Variants in APOL2 observed in about 807,000 individuals in gnomAD.
APOL2 encodes the protein apolipoprotein L2, also known as apolipoprotein L, 2.
APOL2 carries 8 observed loss-of-function variants against 7.1 expected under a neutral mutation model. The observed-to-expected ratio is 1.12, with a 90% CI of 0.66 to 2.03. APOL2 has a LOEUF of 2.03. APOL2 is among the 30% of genes most tolerant of loss of function. APOL2 has a pLI of 0.00. For missense variants in APOL2, 471 were observed against 415.1 expected (o/e 1.13, Z -1.17); for synonymous variants, 177 against 159.9 (o/e 1.11, Z -0.81).
chr22:36,237,784 C>G (rs2015459943), intron 1 of APOL2, among the ~76,000 whole-genome samples: 1 of 152,166 alleles, frequency 6.6e-6, no homozygotes, highest in South Asian at 2.1e-4. Context: ...CCCTCTGATG[C>G]TCTGGACCCC....
rs377641018 is a variant in APOL2 at position 36,227,892 on chromosome 22, G to A, written c.526C>T (p.Arg176Trp). The change falls in exon 5 of 5, where the codon CGG (arginine) becomes TGG (tryptophan). Residue 176 changes from arginine (R) to tryptophan (W), a missense_variant. Physicochemically the swap from Arg to Trp is moderately radical, Grantham distance 101. Coordinates refer to ENST00000358502, the MANE Select transcript of APOL2 (RefSeq NM_030882.4). ...CSVVELVNKL[R>W]ARAQARNLDQ... ...AAGTTGCGGGCTTGGGCTCGTGCCCGCAATTTGTTTACTAGTTCTACCACA... is the reference window on the plus strand; with the variant it reads ...AAGTTGCGGGCTTGGGCTCGTGCCCACAATTTGTTTACTAGTTCTACCACA... 2.4e-5 allele frequency: 38 copies of A among 1,614,078 alleles called. No individual in the cohort carries two copies. Among genetic ancestry groups the A allele is most frequent in the African/African-American group, 4.0e-5 (3 of 74,928 alleles).
At chr22:36,231,831 C>A (rs996923682) in intron 3 of APOL2, among the ~76,000 whole-genome samples, 2 of 152,218 alleles carry the variant, frequency 1.3e-5, no homozygotes, top group Admixed American at 6.5e-5. Context: ...CAAGAGAGTC[C>A]TCCCAAGGCT....
intron 1 of APOL2, among the ~76,000 whole-genome samples, chr22:36,237,739 C>T (rs1319582128): frequency 2.0e-5 from 3 of 152,138 alleles, no homozygotes; most frequent in Admixed American, 6.5e-5. Flanking sequence ...TGAAAAGCCA[C>T]GGTCAAGTTC....
rs200296262 is a variant in APOL2, at chr22:36,233,105, A to G, written c.10+48T>C. 2.0e-5 allele frequency: 31 copies of G among 1,588,392 alleles called. No individual in the cohort carries two copies. The East Asian group carries it at 5.6e-4, about 29-fold the overall frequency. On this transcript the variant is annotated intron_variant, in intron 3 of 4. Transcript: ENST00000358502. ...CTCAGCTGTGGAGGTGCCACCCTCC[A>G]TTCTAGGTGCGAGTAGGAACTAGCC... is the stretch of plus-strand genomic sequence containing the variant.
chr22:36,239,643 C>T, upstream of APOL2: 1 of 740,244 alleles, frequency 1.4e-6, no homozygotes, highest in Non-Finnish European at 2.3e-6. Context: ...CTCCCCAGCA[C>T]CACCTGCAGT....
chr22:36,236,887 G>A, intron 1 of APOL2: 1 of 1,281,282 alleles, frequency 7.8e-7, no homozygotes. Context: ...ACTTCTTGCT[G>A]TAAGGGACGG....
At chr22:36,238,754 A>T (rs2015498005) in intron 1 of APOL2, among the ~76,000 whole-genome samples, 1 of 152,216 alleles carries the variant, frequency 6.6e-6, no homozygotes, top group South Asian at 2.1e-4. Flanking sequence ...TTAGGGACAC[A>T]GCACAGCCTG....
chr22:36,235,269 G>C (rs1016694293), intron 1 of APOL2, among the ~76,000 whole-genome samples: 16 of 152,152 alleles, frequency 1.1e-4, no homozygotes, highest in African/African-American at 3.4e-4. Context: ...CACTTCAGTG[G>C]GTTCCCATTC....
chr22:36,230,695 T>C (rs1268210898), intron 4 of APOL2, among the ~76,000 whole-genome samples: 1 of 152,072 alleles, frequency 6.6e-6, no homozygotes, highest in Non-Finnish European at 1.5e-5. Flanking sequence ...GAATTGCTAT[T>C]CCTATTGGAC....
At position 36,227,885 on chromosome 22, in the gene APOL2, C is replaced by T. The variant is rs201102526; in HGVS notation, c.533G>A (p.Arg178Gln). ...TTGGTCCAAGTTGCGGGCTTGGGCT[C>T]GTGCCCGCAATTTGTTTACTAGTTC... The part of the protein sequence containing the change: ...VVELVNKLRA[R>Q]AQARNLDQSG... Residue 178 changes from arginine to glutamine, a missense_variant, in exon 5 of 5, where the codon CGA becomes CAA. Physicochemically the swap from Arg to Gln is conservative, Grantham distance 43. Coordinates refer to ENST00000358502, the MANE Select transcript of APOL2 (RefSeq NM_030882.4). 4.2e-5 allele frequency: 68 copies of T among 1,614,200 alleles called. No homozygotes were observed. In the African/African-American group the frequency reaches 6.8e-4, roughly 16 times the overall value.
chr22:36,227,911 T>C lies in APOL2; in HGVS notation c.507A>G (p.Val169=). The C allele has an allele frequency of 6.2e-6, 10 of 1,614,234 alleles. No homozygotes were observed. The highest frequency in any genetic ancestry group is 8.5e-6 in the Non-Finnish European group (10 of 1,180,034). ...AAVAGITCSV[V]ELVNKLRARA... ...GTGCCCGCAATTTGTTTACTAGTTC[T>C]ACCACACTGCAGGTAATCCCAGCCA... Residue 169 remains valine (V), a synonymous_variant, in exon 5 of 5, where the codon GTA becomes GTG. Transcript: ENST00000358502.
At chr22:36,234,043 G>A (rs376197590) in intron 1 of APOL2, among the ~76,000 whole-genome samples, 1 of 152,172 alleles carries the variant, frequency 6.6e-6, no homozygotes, top group African/African-American at 2.4e-5. Flanking sequence ...CCCTCCTGAT[G>A]CTTCCCCGTC....
chr22:36,239,249 G>A lies in APOL2; in HGVS notation c.-134+192C>T, dbSNP rs136143. 1,452 of 1,369,038 alleles carry A rather than the reference G, an allele frequency of 1.1e-3. 1 individual carries two copies. Among genetic ancestry groups the A allele is most frequent in the Admixed American group, 1.5e-3 (48 of 32,436 alleles). 84.8% of individuals were successfully genotyped at this position (1,369,038 alleles called of 1,614,324 possible). ...CCCCACCTCTCTCTACAGTTTACCC[G>A]CCCAGCAGGAGGGAGGGAGCAATCA... On this transcript the variant is annotated intron_variant, in intron 1 of 4. Transcript: ENST00000358502.
intron 4 of APOL2, among the ~76,000 whole-genome samples, chr22:36,228,570 G>A (rs913607101): frequency 3.3e-5 from 5 of 152,168 alleles, no homozygotes; most frequent in East Asian, 1.9e-4. Flanking sequence ...GGTCAACACC[G>A]TGACTGCCAA....
At chr22:36,231,021 A>G (rs2015205332) in intron 4 of APOL2, among the ~76,000 whole-genome samples, 1 of 152,248 alleles carries the variant, frequency 6.6e-6, no homozygotes, top group Non-Finnish European at 1.5e-5. Flanking sequence ...CTTTACATGC[A>G]TGATCTCATT....
At chr22:36,237,625 C>T (rs1279219951) in intron 1 of APOL2, among the ~76,000 whole-genome samples, 2 of 152,130 alleles carry the variant, frequency 1.3e-5, no homozygotes, top group Admixed American at 6.5e-5. Flanking sequence ...GTTGCCCAAG[C>T]TGTCTTGAGC....
intron 1 of APOL2, among the ~76,000 whole-genome samples, chr22:36,236,404 A>T (rs1414027990): frequency 6.6e-6 from 1 of 152,248 alleles, no homozygotes; most frequent in Non-Finnish European, 1.5e-5. Flanking sequence ...AATTGTTTAC[A>T]GCTACAAAGT....
At chr22:36,230,321 A>C (rs1167612156) in intron 4 of APOL2, among the ~76,000 whole-genome samples, 1 of 152,132 alleles carries the variant, frequency 6.6e-6, no homozygotes, top group Non-Finnish European at 1.5e-5. Context: ...GGTAGTCCAG[A>C]ACTCACCAGT....
At position 36,233,465 on chromosome 22, in the gene APOL2, T is replaced by G; in HGVS notation, c.-133-10A>C. ...GCAGGGTCCTCTTGTCCTGTAGGGGTATGAGAAGAAGATAATCAGAGGAGG... is the reference window on the plus strand; with the variant it reads ...GCAGGGTCCTCTTGTCCTGTAGGGGGATGAGAAGAAGATAATCAGAGGAGG... On this transcript the variant is annotated splice_polypyrimidine_tract_variant and intron_variant, in intron 1 of 4. Coordinates refer to ENST00000358502, the MANE Select transcript of APOL2 (RefSeq NM_030882.4). The G allele has an allele frequency of 6.5e-7, 1 of 1,549,028 alleles. No individual in the cohort carries two copies. The highest frequency in any genetic ancestry group is 8.7e-7 in the Non-Finnish European group (1 of 1,146,726).
Sources: allele counts gnomAD v4.1 joint callset (sites outside exome capture counted in the v4.1 genomes callset), GRCh38; gene constraint gnomAD v4.1.1; transcripts MANE v1.5; gene names NCBI Gene and HGNC (gene_info 2026-07-23, HGNC 2026-07-21).